The following CEACAM1 variants were observed in gnomAD, a reference collection of about 807,000 sequenced individuals.
CEACAM1 encodes the protein cell adhesion molecule CEACAM1.
Under a neutral mutation model 49.1 loss-of-function variants are expected in CEACAM1, and 31 were observed. That is an observed-to-expected ratio of 0.63 (90% CI 0.47 to 0.85). The LOEUF (loss-of-function observed/expected upper bound fraction) is 0.85, where lower values mean the gene tolerates loss of function less well. CEACAM1 is among the 40% of genes least tolerant of loss of function. The pLI is 0.00. For synonymous variants in CEACAM1, 244 were observed against 247.8 expected, an observed-to-expected ratio of 0.98 and a Z score of 0.14; for missense variants, 570 against 645.3, an observed-to-expected ratio of 0.88 and a Z score of 1.26.
rs2041677952 is a variant in CEACAM1 at position 42,519,198 on chromosome 19, G to A, written c.996C>T (p.Ala332=). The A allele has an allele frequency of 6.2e-7, 1 of 1,614,174 alleles. No homozygotes were observed. The highest frequency in any genetic ancestry group is 8.5e-7 in the Non-Finnish European group (1 of 1,180,026). The part of the protein sequence containing the change: ...SPVVAKPQIK[A]SKTTVTGDKD... The stretch of plus-strand genomic sequence containing the variant: ...TATCTCCTGTGACTGTGGTCTTGCT[G>A]GCTTTGATTTGGGGCTTTGCTACTA... Residue 332 remains alanine (A), a synonymous_variant, in exon 5 of 9, where the codon GCC becomes GCT. Coordinates refer to ENST00000161559, the MANE Select transcript of CEACAM1 (RefSeq NM_001712.5).
At chr19:42,526,403 T>C (rs2041892113) in intron 2 of CEACAM1, among the ~76,000 whole-genome samples, 1 of 152,200 alleles carries the variant, frequency 6.6e-6, no homozygotes, top group Non-Finnish European at 1.5e-5. Context: ...CCCAGGGCAG[T>C]TGGCTGATGG....
chr19:42,524,894 G>C (rs553641218), intron 2 of CEACAM1, among the ~76,000 whole-genome samples: 8 of 152,262 alleles, frequency 5.3e-5, no homozygotes, highest in Non-Finnish European at 8.8e-5. Context: ...TATGGTACTT[G>C]GGGTGGCTTT....
Position 42,508,737 on chromosome 19 carries a change from C to T in CEACAM1, c.*372G>A, listed in dbSNP as rs1004141212. ...ACATAACCTCAAGGCTATGGCAAATCCGAATTAGAGTGATAGGACAGGACT... is the reference window on the plus strand; with the variant it reads ...ACATAACCTCAAGGCTATGGCAAATTCGAATTAGAGTGATAGGACAGGACT... On this transcript the variant is annotated 3_prime_UTR_variant, in exon 9 of 9. Coordinates refer to ENST00000161559, the MANE Select transcript of CEACAM1 (RefSeq NM_001712.5). 5.2e-6 allele frequency: 1 copy of T among 193,322 alleles called. No individual in the cohort carries two copies. The highest frequency in any genetic ancestry group is 2.4e-5 in the African/African-American group (1 of 41,952). 12.0% of individuals were successfully genotyped at this position (193,322 alleles called of 1,614,324 possible).
chr19:42,509,716 T>A (rs530169548), intron 8 of CEACAM1, among the ~76,000 whole-genome samples: 1 of 152,024 alleles, frequency 6.6e-6, no homozygotes, highest in South Asian at 2.1e-4. Flanking sequence ...AAGCTCTGCC[T>A]CCCGGGTTCA....
chr19:42,517,119 G>A (rs1012943681), intron 5 of CEACAM1, among the ~76,000 whole-genome samples: 12 of 152,112 alleles, frequency 7.9e-5, no homozygotes, highest in African/African-American at 2.4e-4. Context: ...TGAAGAAACT[G>A]GATATCCATG....
In CEACAM1 at chr19:42,528,438, G is replaced by T; in HGVS notation, c.-64C>A. 6.6e-7 allele frequency: 1 copy of T among 1,516,160 alleles called. No individual in the cohort carries two copies. The highest frequency in any genetic ancestry group is 9.2e-7 in the Non-Finnish European group (1 of 1,092,374). 93.9% of individuals were successfully genotyped at this position (1,516,160 alleles called of 1,614,324 possible). ...AGCTTGGGCTCCAGGAACGCTTCGA[G>T]CACGGCTGCTCTGTCACCTCTGCTG... On this transcript the variant is annotated 5_prime_UTR_variant, in exon 1 of 9. Transcript: ENST00000161559.
intron 5 of CEACAM1, chr19:42,515,058 C>G: frequency 1.5e-6 from 1 of 672,582 alleles, no homozygotes; most frequent in Non-Finnish European, 2.7e-6. Flanking sequence ...TGCTTGAGCC[C>G]AGGAGTTCGA....
At chr19:42,521,233 A>C in intron 4 of CEACAM1, 34 bp downstream of exon 4, 1 of 1,607,622 alleles carries the variant, frequency 6.2e-7, no homozygotes. Flanking sequence ...CTTGTACCCC[A>C]GATCTTAGTG....
intron 3 of CEACAM1, 27 bp downstream of exon 3, chr19:42,521,897 G>A (rs2041759089): frequency 6.2e-7 from 1 of 1,614,126 alleles, no homozygotes; most frequent in Non-Finnish European, 8.5e-7. Flanking sequence ...TGGCAGCCTG[G>A]GCCACAGAGG....
At chr19:42,512,597 G>C (rs535284972) in intron 5 of CEACAM1, 118 bp from the exon 6 acceptor site, 4 of 1,006,198 alleles carry the variant, frequency 4.0e-6, no homozygotes, top group East Asian at 5.1e-5. Context: ...ATACAGTTTC[G>C]TTGTGGGAAG....
intron 5 of CEACAM1, among the ~76,000 whole-genome samples, chr19:42,518,181 T>A (rs1244184139): frequency 1.3e-5 from 2 of 152,032 alleles, no homozygotes; most frequent in African/African-American, 4.8e-5. Flanking sequence ...TCCCAGCACT[T>A]TGGGAGGCCG....
At chr19:42,511,110 A>G (rs2041445869) in intron 7 of CEACAM1, 190 bp from the exon 8 acceptor site, 2 of 619,574 alleles carry the variant, frequency 3.2e-6, no homozygotes, top group Non-Finnish European at 5.8e-6. Flanking sequence ...GAACCACAGG[A>G]GGCCACAATC....
intron 5 of CEACAM1, among the ~76,000 whole-genome samples, chr19:42,513,958 C>CTTTTTTTTTTTTTTTTT (rs869304469): frequency 4.6e-5 from 4 of 86,884 alleles, no homozygotes; most frequent in Non-Finnish European, 4.4e-5. Context: ...TCTTCTTCTT[C>CTTTTTTTTTTTTTTTTT]TTTTTTTTTT....
Position 42,512,428 on chromosome 19 carries a change from A to G in CEACAM1, c.1298T>C (p.Ile433Thr). ...NGLSPGAIAGIVIGVVALVAL... is the reference protein window; with the variant it reads ...NGLSPGAIAGTVIGVVALVAL... ...AACCAGGGCCACTACTCCAATCACAATGCCAGCAATGGCCCCAGGTGAGAG... is the reference window on the plus strand; with the variant it reads ...AACCAGGGCCACTACTCCAATCACAGTGCCAGCAATGGCCCCAGGTGAGAG... Residue 433 changes from isoleucine (I) to threonine (T), a missense_variant, in exon 6 of 9, where the codon ATT becomes ACT. Transcript: ENST00000161559. The G allele has an allele frequency of 6.2e-7, 1 of 1,614,162 alleles. No homozygotes were observed. The highest frequency in any genetic ancestry group is 1.1e-5 in the South Asian group (1 of 91,074).
Position 42,527,263 on chromosome 19 carries a change from A to T in CEACAM1, c.202T>A (p.Tyr68Asn). 6.2e-7 allele frequency: 1 copy of T among 1,613,960 alleles called. No homozygotes were observed. Among genetic ancestry groups the T allele is most frequent in the East Asian group, 2.2e-5 (1 of 44,878 alleles). ...LPQQLFGYSWYKGERVDGNRQ... is the reference protein window; with the variant it reads ...LPQQLFGYSWNKGERVDGNRQ... ...TTGCCATCCACTCTTTCCCCTTTGT[A>T]CCAGCTGTAGCCAAAAAGTTGCTGG... The change falls in exon 2 of 9, where the codon TAC becomes AAC. Residue 68 changes from tyrosine (Y) to asparagine (N), a missense_variant. Transcript: ENST00000161559.
chr19:42,519,761 G>A (rs2041697253), intron 4 of CEACAM1, among the ~76,000 whole-genome samples: 1 of 151,864 alleles, frequency 6.6e-6, no homozygotes, highest in South Asian at 2.1e-4. Context: ...AGTAGAGACG[G>A]GGTTTCACCA....
chr19:42,512,377 C>T lies in CEACAM1; in HGVS notation c.1349G>A (p.Cys450Tyr), dbSNP rs1026162714. ...LVALIAVALACFLHFGKTGRA... is the reference protein window; with the variant it reads ...LVALIAVALAYFLHFGKTGRA... ...GCCGGTCTTCCCGAAATGCAGAAAA[C>T]ATGCCAGGGCTACTGCTATCAGAGC... Residue 450 changes from cysteine to tyrosine, a missense_variant, in exon 6 of 9, where the codon TGT becomes TAT. Transcript: ENST00000161559. 6.2e-7 allele frequency: 1 copy of T among 1,614,122 alleles called. No individual in the cohort carries two copies. The highest frequency in any genetic ancestry group is 8.5e-7 in the Non-Finnish European group (1 of 1,179,968).
chr19:42,515,296 A>G (rs1432550511), intron 5 of CEACAM1, among the ~76,000 whole-genome samples: 1 of 152,100 alleles, frequency 6.6e-6, no homozygotes, highest in Non-Finnish European at 1.5e-5. Context: ...CCCGTGCAAT[A>G]CTATGGAGCA....
chr19:42,524,466 G>A (rs1016823657), intron 2 of CEACAM1, among the ~76,000 whole-genome samples: 6 of 152,182 alleles, frequency 3.9e-5, no homozygotes, highest in African/African-American at 1.4e-4. Context: ...GGAGTCGCTC[G>A]TCCCTGTCCC....
Sources: allele counts gnomAD v4.1 joint callset (sites outside exome capture counted in the v4.1 genomes callset), GRCh38; gene constraint gnomAD v4.1.1; transcripts MANE v1.5; gene names NCBI Gene and HGNC (gene_info 2026-07-23, HGNC 2026-07-21).